FRMD8: variants seen among roughly 807,000 people sequenced by gnomAD.
FRMD8 encodes FERM domain containing 8.
Under a neutral mutation model 54.2 loss-of-function variants are expected in FRMD8, and 37 were observed. That is an observed-to-expected ratio of 0.68 (90% confidence interval 0.53 to 0.90). FRMD8 has a LOEUF of 0.90. Ranked by LOEUF, FRMD8 falls within the 40% of genes least tolerant of loss-of-function variation. FRMD8 has a pLI of 0.00. For missense variants in FRMD8, 585 were observed against 653.7 expected, an observed-to-expected ratio of 0.89 and a Z score of 1.15; for synonymous variants, 246 against 286.9, an observed-to-expected ratio of 0.86 and a Z score of 1.44.
chr11:65,370,467 C>T, the FRMD8 span, among the ~76,000 whole-genome samples: 140 of 150,652 alleles, frequency 9.3e-4, no homozygotes, highest in African/African-American at 3.2e-3. Context: ...TTTGGGAGGC[C>T]GAGGCAGGCA....
chr11:65,381,620 T>G, the FRMD8 span: 2 of 245,704 alleles, frequency 8.1e-6, no homozygotes, highest in South Asian at 5.8e-5. Context: ...CAGGCTGGAG[T>G]GCAGTGGTGC....
intron 10 of FRMD8, among the ~76,000 whole-genome samples, chr11:65,409,878 A>G (rs1445877514): frequency 6.6e-6 from 1 of 152,084 alleles, no homozygotes; most frequent in African/African-American, 2.4e-5. Context: ...CAGGAGTTCG[A>G]GATCAGCCTG....
In FRMD8 at chr11:65,404,867, G is replaced by C; in HGVS notation, c.1075G>C (p.Glu359Gln). The C allele has an allele frequency of 1.2e-6, 2 of 1,610,906 alleles. No individual in the cohort carries two copies. The highest frequency in any genetic ancestry group is 1.7e-6 in the Non-Finnish European group (2 of 1,178,318). The change falls in exon 10 of 11, where the codon GAA becomes CAA. Residue 359 changes from glutamate to glutamine, a missense_variant. Coordinates refer to ENST00000317568, the MANE Select transcript of FRMD8 (RefSeq NM_031904.5). This position sits in a 1 kb window ranked among gnomAD's most constrained non-coding sequence, Gnocchi z 4.7. ...CACACTGCCCCCTCCTCCCCAGGCCGAACTGATGAGCAGTCTCATTGAGTA... is the reference window on the plus strand; with the variant it reads ...CACACTGCCCCCTCCTCCCCAGGCCCAACTGATGAGCAGTCTCATTGAGTA... The part of the protein sequence containing the change: ...KLLKIYSKQA[E>Q]LMSSLIEYCI...
chr11:65,381,557 A>ATTCT, the FRMD8 span: 1 of 179,076 alleles, frequency 5.6e-6, no homozygotes, highest in Admixed American at 7.6e-5. Flanking sequence ...CCATGCCCTG[A>ATTCT]TTCTTTTTTT....
the FRMD8 span, among the ~76,000 whole-genome samples, chr11:65,372,305 AC>A: frequency 6.6e-6 from 1 of 152,048 alleles, no homozygotes; most frequent in East Asian, 1.9e-4. Flanking sequence ...TCCTGGGGCC[AC>A]TGTGCAGGAG....
upstream of FRMD8, chr11:65,382,110 G>T: frequency 1.5e-6 from 1 of 685,898 alleles, no homozygotes; most frequent in Non-Finnish European, 2.6e-6. The surrounding 1 kb of genome is among the most constrained non-coding windows in gnomAD (Gnocchi z 4.4). Flanking sequence ...AACTGGCAGA[G>T]GAGAGCGAGC....
chr11:65,382,440 C>G (rs1319556523), upstream of FRMD8: 2 of 179,488 alleles, frequency 1.1e-5, no homozygotes, highest in East Asian at 2.8e-4. The surrounding 1 kb of genome is among the most constrained non-coding windows in gnomAD (Gnocchi z 4.4). Context: ...CCGCATTTGC[C>G]GCTGCGTGGC....
At chr11:65,371,247 C>T in the FRMD8 span, among the ~76,000 whole-genome samples, 1 of 152,120 alleles carries the variant, frequency 6.6e-6, no homozygotes. Context: ...TTTCCCTGCG[C>T]ATGTAGCTTT....
chr11:65,376,919 C>G, the FRMD8 span: 3 of 1,613,462 alleles, frequency 1.9e-6, no homozygotes, highest in Non-Finnish European at 2.5e-6. Context: ...GGCCCAGGCT[C>G]CTCGGAACAG....
At chr11:65,374,529 G>C in the FRMD8 span, among the ~76,000 whole-genome samples, 1 of 152,156 alleles carries the variant, frequency 6.6e-6, no homozygotes, top group East Asian at 1.9e-4. Context: ...CCAGTAAATG[G>C]CAGGAATTCA....
chr11:65,407,617 G>C (rs1387716766), intron 10 of FRMD8, among the ~76,000 whole-genome samples: 2 of 151,846 alleles, frequency 1.3e-5, no homozygotes, highest in African/African-American at 4.8e-5. Flanking sequence ...ATGGCCAGGC[G>C]TGGTGGCTCA....
intron 10 of FRMD8, among the ~76,000 whole-genome samples, chr11:65,410,352 G>A (rs1445306694): frequency 2.0e-5 from 3 of 148,496 alleles, no homozygotes; most frequent in African/African-American, 7.5e-5. Context: ...AAAAATTAGT[G>A]TGCGTGGTGG....
chr11:65,390,103 G>A (rs1855814411), intron 3 of FRMD8, among the ~76,000 whole-genome samples: 1 of 152,166 alleles, frequency 6.6e-6, no homozygotes, highest in Admixed American at 6.5e-5. Context: ...GTGAGGGTGG[G>A]AAGAGTAGAG....
intron 2 of FRMD8, among the ~76,000 whole-genome samples, chr11:65,387,982 T>C (rs1236428080): frequency 6.6e-6 from 1 of 152,052 alleles, no homozygotes; most frequent in Non-Finnish European, 1.5e-5. Context: ...CTGACCAACA[T>C]GGAGAAACCC....
intron 2 of FRMD8, among the ~76,000 whole-genome samples, chr11:65,387,687 C>G (rs1336500480): frequency 1.3e-5 from 2 of 152,022 alleles, no homozygotes; most frequent in African/African-American, 4.8e-5. Flanking sequence ...TACAGGCGCC[C>G]GCCACCACGC....
chr11:65,402,727 T>C (rs1856108934), intron 9 of FRMD8, among the ~76,000 whole-genome samples: 1 of 152,166 alleles, frequency 6.6e-6, no homozygotes, highest in South Asian at 2.1e-4. Flanking sequence ...TTTCTGTATC[T>C]CCATTTATTT....
chr11:65,389,240 C>G (rs1453325332), intron 2 of FRMD8, 121 bp from the exon 3 acceptor site: 3 of 895,798 alleles, frequency 3.3e-6, no homozygotes, highest in Non-Finnish European at 5.2e-6. Flanking sequence ...TAGCCCTGGT[C>G]ACCCCTGAGG....
intron 10 of FRMD8, among the ~76,000 whole-genome samples, chr11:65,409,387 G>A (rs749068314): frequency 1.5e-4 from 23 of 152,142 alleles, no homozygotes; most frequent in South Asian, 2.1e-4. Flanking sequence ...GTGCCCGGCC[G>A]ATTGCAAATT....
At chr11:65,380,620 G>A in the FRMD8 span, 1 of 1,292,230 alleles carries the variant, frequency 7.7e-7, no homozygotes, top group Non-Finnish European at 1.0e-6. Flanking sequence ...TGGCCACGCA[G>A]AACTGCAGGG....
Sources: gnomAD v4.1 joint callset for allele counts (sites outside exome capture counted in the v4.1 genomes callset) on GRCh38, gnomAD v4.1.1 for gene constraint, Gnocchi (gnomAD v3.1) non-coding constraint, MANE v1.5 for transcripts, NCBI Gene and HGNC (gene_info 2026-07-23, HGNC 2026-07-21) for gene names.